The following MAP3K1 variants were observed in gnomAD, a reference collection of about 807,000 sequenced individuals.
MAP3K1 encodes the protein mitogen-activated protein kinase kinase kinase 1, also known as MAP/ERK kinase kinase 1.
In MAP3K1, 36 loss-of-function variants were observed where a neutral mutation model predicts 144.2. The observed-to-expected ratio is 0.25, with a 90% CI of 0.19 to 0.33. The LOEUF is 0.33. Ranked by LOEUF, MAP3K1 falls within the 10% of genes least tolerant of loss-of-function variation. The pLI is 1.00. For missense variants in MAP3K1, 1,650 were observed against 1,881.9 expected (o/e 0.88, Z 2.28); for synonymous variants, 718 against 688.7 (o/e 1.04, Z -0.67).
rs2111914527 is a variant in MAP3K1 at position 56,872,960 on chromosome 5, G to A, written c.1641G>A (p.Gln547=). Residue 547 remains glutamine (Q), a synonymous_variant, in exon 9 of 20, where the codon CAG becomes CAA. Transcript: ENST00000399503. The part of the protein sequence containing the change: ...SNFNLTHYGT[Q]QIPPAYKDLA... ...TTAACCTTACTCATTATGGAACTCA[G>A]CAAATCCCTCCTGCTTACAAAGATT... 1 of 1,614,032 alleles carries A rather than the reference G, an allele frequency of 6.2e-7. No homozygotes were observed. Among genetic ancestry groups the A allele is most frequent in the Non-Finnish European group, 8.5e-7 (1 of 1,179,980 alleles).
chr5:56,846,726 G>A (rs935038584), intron 1 of MAP3K1, among the ~76,000 whole-genome samples: 6 of 152,114 alleles, frequency 3.9e-5, no homozygotes, highest in East Asian at 3.9e-4. Flanking sequence ...TTTTGACTTC[G>A]TTGCAGTTTG....
At chr5:56,888,401 C>T (rs752246745) in intron 19 of MAP3K1, 44 bp downstream of exon 19, 3 of 1,602,422 alleles carry the variant, frequency 1.9e-6, no homozygotes, top group Non-Finnish European at 1.7e-6. Flanking sequence ...AAAAGGAGTA[C>T]AGCAGAATTT....
intron 12 of MAP3K1, 39 bp downstream of exon 12, chr5:56,880,841 A>G (rs1351905213): frequency 6.7e-7 from 1 of 1,501,802 alleles, no homozygotes; most frequent in East Asian, 2.3e-5. Context: ...AGCATATTTT[A>G]TCATGTTCCT....
chr5:56,815,873 G>T lies in MAP3K1; in HGVS notation c.300G>T (p.Gly100=). Residue 100 remains glycine, a synonymous_variant, in exon 1 of 20, where the codon GGG becomes GGT. Transcript: ENST00000399503. ...SPSPEPADAA[G]SGTGFQPVAV... is the part of the protein sequence containing the mutation. ...CGCCGGAGCCCGCGGACGCAGCGGG[G>T]AGTGGGACCGGCTTCCAGCCTGTGG... is the stretch of plus-strand genomic sequence containing the variant. 7.2e-7 allele frequency: 1 copy of T among 1,384,820 alleles called. No individual in the cohort carries two copies. Among genetic ancestry groups the T allele is most frequent in the Non-Finnish European group, 9.4e-7 (1 of 1,064,806 alleles). The allele number at this position is 1,384,820 out of a possible 1,614,324, so 85.8% of individuals were successfully genotyped here. A position where few individuals can be genotyped will look rare whatever the true frequency, so the allele number is the denominator to read the frequency against.
intron 11 of MAP3K1, 27 bp downstream of exon 11, chr5:56,879,128 A>C (rs1321242187): frequency 1.2e-6 from 2 of 1,613,682 alleles, no homozygotes; most frequent in Non-Finnish European, 1.7e-6. Context: ...GAATCACTTC[A>C]AACCCTCTTG....
chr5:56,887,474 A>C lies in MAP3K1; in HGVS notation c.4211A>C (p.Glu1404Ala). 6.2e-7 allele frequency: 1 copy of C among 1,614,170 alleles called. No homozygotes were observed. Among genetic ancestry groups the C allele is most frequent in the Non-Finnish European group, 8.5e-7 (1 of 1,180,006 alleles). ...RLASKGTGAG[E>A]FQGQLLGTIA... ...GCATCAAAAGGAACTGGTGCAGGAGAGTTTCAGGGACAATTACTGGGGACA... is the reference window on the plus strand; with the variant it reads ...GCATCAAAAGGAACTGGTGCAGGAGCGTTTCAGGGACAATTACTGGGGACA... Residue 1404 changes from glutamate (E) to alanine (A), a missense_variant, in exon 18 of 20, where the codon GAG becomes GCG. By Grantham distance (107) the Glu-to-Ala change is moderately radical. Coordinates refer to ENST00000399503, the MANE Select transcript of MAP3K1 (RefSeq NM_005921.2).
intron 1 of MAP3K1, among the ~76,000 whole-genome samples, chr5:56,829,482 C>T (rs370681941): frequency 1.6e-4 from 25 of 152,144 alleles, no homozygotes; most frequent in Middle Eastern, 3.4e-3. Flanking sequence ...GCCACCATGC[C>T]GAGCCCGCAT....
chr5:56,890,899 A>G (rs931003856), intron 19 of MAP3K1, among the ~76,000 whole-genome samples: 1 of 151,178 alleles, frequency 6.6e-6, no homozygotes, highest in Non-Finnish European at 1.5e-5. Flanking sequence ...AAAAAAAATT[A>G]GCTGGGCATA....
At position 56,879,015 on chromosome 5, in the gene MAP3K1, C is replaced by T; in HGVS notation, c.2001C>T (p.Cys667=). 1 of 1,613,854 alleles carries T rather than the reference C, an allele frequency of 6.2e-7. No homozygotes were observed. Among genetic ancestry groups the T allele is most frequent in the Non-Finnish European group, 8.5e-7 (1 of 1,179,858 alleles). The change falls in exon 11 of 20, where the codon TGC becomes TGT. Residue 667 remains cysteine, a synonymous_variant. Transcript: ENST00000399503. The stretch of plus-strand genomic sequence containing the variant: ...GAGCCATGCTGGTATATACTCCTTG[C>T]CACAGTTTAGCGGAAAGAATCAAAC... ...TLRAMLVYTP[C]HSLAERIKLQ... is the part of the protein sequence containing the mutation.
chr5:56,834,509 C>T (rs573856070), intron 1 of MAP3K1, among the ~76,000 whole-genome samples: 5 of 152,186 alleles, frequency 3.3e-5, no homozygotes, highest in South Asian at 2.1e-4. Flanking sequence ...GTCAGGAGTT[C>T]GAGACCAGCC....
chr5:56,893,487 A>G, intron 19 of MAP3K1, 44 bp from the exon 20 acceptor site: 1 of 1,597,034 alleles, frequency 6.3e-7, no homozygotes, highest in South Asian at 1.1e-5. Context: ...CTGTATCAGA[A>G]GTTACAGTTG....
At chr5:56,860,044 G>T (rs1236859936) in intron 3 of MAP3K1, 129 bp downstream of exon 3, 16 of 763,688 alleles carry the variant, frequency 2.1e-5, no homozygotes, top group Non-Finnish European at 2.8e-5. Context: ...CCCTGAGGAT[G>T]GGGGGGGTGG....
rs1748622396 is a variant in MAP3K1 at position 56,893,782 on chromosome 5, AC to A, written c.*103del. ...ATTCTACTGGCCATGATGCCACTGA[AC>A]AGCTATGAACGAGGCCAGTGGGGAA... On this transcript the variant is annotated 3_prime_UTR_variant, in exon 20 of 20. Transcript: ENST00000399503. The A allele has an allele frequency of 7.9e-7, 1 of 1,267,416 alleles. No homozygotes were observed. Among genetic ancestry groups the A allele is most frequent in the Non-Finnish European group, 1.1e-6 (1 of 891,414 alleles). The allele number at this position is 1,267,416 out of a possible 1,614,324, so 78.5% of individuals were successfully genotyped here. A position where few individuals can be genotyped will look rare whatever the true frequency, so the allele number is the denominator to read the frequency against.
chr5:56,829,226 G>A (rs1273462902), intron 1 of MAP3K1, among the ~76,000 whole-genome samples: 1 of 150,354 alleles, frequency 6.7e-6, no homozygotes, highest in Non-Finnish European at 1.5e-5. Context: ...CCTTCACCCA[G>A]GCTGAAGTGC....
At chr5:56,831,186 T>G (rs1370866601) in intron 1 of MAP3K1, among the ~76,000 whole-genome samples, 13 of 10,210 alleles carry the variant, frequency 1.3e-3, no homozygotes, top group South Asian at 3.4e-3. Context: ...AATGTTGGGT[T>G]TTTTTTTTTT....
chr5:56,871,726 G>A (rs1324664785), intron 6 of MAP3K1, among the ~76,000 whole-genome samples, 184 bp from the exon 7 acceptor site: 2 of 152,072 alleles, frequency 1.3e-5, no homozygotes, highest in African/African-American at 4.8e-5. Context: ...ATAAATACTC[G>A]TGTGTTAATC....
At chr5:56,850,866 A>G (rs16886424) in intron 1 of MAP3K1, among the ~76,000 whole-genome samples, 15,103 of 152,290 alleles carry the variant, frequency 0.099, 1,214 homozygotes, top group East Asian at 0.34. Context: ...CTGGTTGTTG[A>G]CAAACATAAT....
chr5:56,846,443 A>T (rs1746999563), intron 1 of MAP3K1, among the ~76,000 whole-genome samples: 1 of 152,182 alleles, frequency 6.6e-6, no homozygotes, highest in African/African-American at 2.4e-5. Context: ...CCTGCTCTTT[A>T]AAAAATAATT....
chr5:56,875,008 A>T lies in MAP3K1; in HGVS notation c.1687-24A>T, dbSNP rs557285221. ...GTCCATAAGCTTTTCTTTACATTGA[A>T]TTCATCGTGTGTGTTTGATACAGGT... On this transcript the variant is annotated intron_variant, in intron 9 of 19. Coordinates refer to ENST00000399503, the MANE Select transcript of MAP3K1 (RefSeq NM_005921.2). 1.2e-5 allele frequency: 19 copies of T among 1,613,532 alleles called. No homozygotes were observed. In the South Asian group the frequency reaches 2.0e-4, roughly 17 times the overall value.
Sources: gnomAD v4.1 joint callset for allele counts (sites outside exome capture counted in the v4.1 genomes callset) on GRCh38, gnomAD v4.1.1 for gene constraint, MANE v1.5 for transcripts, NCBI Gene and HGNC (gene_info 2026-07-23, HGNC 2026-07-21) for gene names.